NPTN: variants seen among roughly 807,000 people sequenced by gnomAD.
NPTN encodes SDR-1.
NPTN carries 5 observed loss-of-function variants against 42.7 expected under a neutral mutation model. The ratio of observed to expected loss-of-function variants is 0.12; its 90% CI spans 0.06 to 0.25. The LOEUF (loss-of-function observed/expected upper bound fraction) is 0.25, where lower values mean the gene tolerates loss of function less well. Ranked by LOEUF, NPTN falls within the 10% of genes least tolerant of loss-of-function variation. The pLI is 1.00. For missense variants in NPTN, 307 were observed against 525.4 expected (o/e 0.58, Z 4.06); for synonymous variants, 180 against 201.9 (o/e 0.89, Z 0.92).
chr15:73,590,699 C>T (rs886068883), intron 3 of NPTN, among the ~76,000 whole-genome samples: 3 of 151,956 alleles, frequency 2.0e-5, no homozygotes, highest in Non-Finnish European at 4.4e-5. Flanking sequence ...GAGGCAGAGG[C>T]TGCAGTGAGC....
At chr15:73,602,699 G>C (rs1161357433) in intron 1 of NPTN, among the ~76,000 whole-genome samples, 1 of 152,172 alleles carries the variant, frequency 6.6e-6, no homozygotes, top group African/African-American at 2.4e-5. Flanking sequence ...AGGCAGGCTT[G>C]AAGTCCTGGG....
chr15:73,577,710 T>C (rs1189566187), intron 4 of NPTN, among the ~76,000 whole-genome samples: 2 of 152,144 alleles, frequency 1.3e-5, no homozygotes, highest in Non-Finnish European at 2.9e-5. Flanking sequence ...GCTTGAGATA[T>C]TTTGCAGACC....
rs1894734870 is a variant in NPTN, at chr15:73,562,472, CTT to C, written c.1137-504_1137-503del. Among the ~76,000 whole-genome samples the C allele has an allele frequency of 2.0e-5, 3 of 152,164 alleles. No homozygotes were observed. In the South Asian group the frequency reaches 6.2e-4, roughly 31 times the overall value. On this transcript the variant is annotated intron_variant, in intron 7 of 8. Transcript: ENST00000345330. The stretch of plus-strand genomic sequence containing the variant: ...ACGATACAGGTGAGAATATGTAAAA[CTT>C]TTCTCCACTGAACACAACACCACTG...
chr15:73,565,694 T>C, intron 6 of NPTN: 1 of 455,776 alleles, frequency 2.2e-6, no homozygotes, highest in South Asian at 1.6e-5. Flanking sequence ...AGCCACTGGC[T>C]AGATGAGAGG....
rs1364289864 is a variant in NPTN, at chr15:73,591,825, T to C, written c.611+141A>G. ...CTTTTCTAGACTACTGGGCCTTACC[T>C]GAGATACTGGATTGGACTCTCAAAG... On this transcript the variant is annotated intron_variant, in intron 3 of 8. Coordinates refer to ENST00000345330, the MANE Select transcript of NPTN (RefSeq NM_012428.4). 12 of 719,176 alleles carry C rather than the reference T, an allele frequency of 1.7e-5. No homozygotes were observed. In the East Asian group the frequency reaches 3.2e-4, roughly 19 times the overall value. 44.5% of individuals were successfully genotyped at this position (719,176 alleles called of 1,614,324 possible). A position where few individuals can be genotyped will look rare whatever the true frequency, so the allele number is the denominator to read the frequency against.
chr15:73,564,935 C>T (rs528485965), intron 6 of NPTN, among the ~76,000 whole-genome samples: 3 of 152,284 alleles, frequency 2.0e-5, no homozygotes, highest in Middle Eastern at 3.4e-3. Flanking sequence ...GAGGGAGAAT[C>T]GCAATAGCCA....
chr15:73,566,069 C>A (rs961487447), intron 6 of NPTN, among the ~76,000 whole-genome samples: 3 of 152,064 alleles, frequency 2.0e-5, no homozygotes, highest in African/African-American at 7.2e-5. Flanking sequence ...AGCATTAAAC[C>A]CAAGAGAGAC....
At chr15:73,619,857 A>G (rs1187791661) in intron 1 of NPTN, among the ~76,000 whole-genome samples, 2 of 152,234 alleles carry the variant, frequency 1.3e-5, no homozygotes, top group Non-Finnish European at 2.9e-5. Context: ...CTGAATGGGT[A>G]TTAGGGCAAA....
chr15:73,600,037 T>C (rs16958050), intron 1 of NPTN, among the ~76,000 whole-genome samples: 19,756 of 152,180 alleles, frequency 0.13, 1,917 homozygotes, highest in African/African-American at 0.27. Flanking sequence ...CCAATTCCAC[T>C]GTAACCCCAA....
At chr15:73,561,833 G>C in intron 8 of NPTN, 63 bp downstream of exon 8, 4 of 1,193,780 alleles carry the variant, frequency 3.4e-6, no homozygotes, top group Non-Finnish European at 4.9e-6. Context: ...TTTGTAACAA[G>C]GTCAATAGAG....
intron 1 of NPTN, among the ~76,000 whole-genome samples, chr15:73,607,596 A>T (rs1054699886): frequency 6.6e-6 from 1 of 152,212 alleles, no homozygotes; most frequent in Non-Finnish European, 1.5e-5. Context: ...AACTCTGACC[A>T]GAGGGAAATT....
At chr15:73,577,328 C>T (rs1035808457) in intron 4 of NPTN, among the ~76,000 whole-genome samples, 1 of 152,134 alleles carries the variant, frequency 6.6e-6, no homozygotes, top group East Asian at 1.9e-4. Flanking sequence ...TGATCTACGG[C>T]CTTTTGCCAT....
chr15:73,617,739 G>A (rs1034393403), intron 1 of NPTN, among the ~76,000 whole-genome samples: 1 of 152,072 alleles, frequency 6.6e-6, no homozygotes, highest in Admixed American at 6.6e-5. Context: ...ACTCCCATTC[G>A]GCTTTACAAA....
At chr15:73,564,439 A>G (rs1041801557) in intron 6 of NPTN, among the ~76,000 whole-genome samples, 23 of 152,192 alleles carry the variant, frequency 1.5e-4, no homozygotes, top group African/African-American at 5.6e-4. Flanking sequence ...GGAGAGGCAA[A>G]GCCACCGCCA....
intron 4 of NPTN, among the ~76,000 whole-genome samples, chr15:73,580,444 ATATATG>A (rs1463567740): frequency 1.5e-5 from 2 of 135,532 alleles, no homozygotes; most frequent in African/African-American, 2.8e-5. Context: ...TATATATAAT[ATATATG>A]TATATATACA....
At chr15:73,602,842 TG>T (rs1897134502) in intron 1 of NPTN, among the ~76,000 whole-genome samples, 1 of 152,200 alleles carries the variant, frequency 6.6e-6, no homozygotes, top group South Asian at 2.1e-4. Context: ...ACAGGTACCT[TG>T]ATCAGGCAGA....
chr15:73,577,349 T>C (rs1167518192), intron 4 of NPTN, among the ~76,000 whole-genome samples: 1 of 152,208 alleles, frequency 6.6e-6, no homozygotes, highest in Non-Finnish European at 1.5e-5. Flanking sequence ...CTTCAGAGCC[T>C]ACACCTTAAG....
At chr15:73,606,373 A>T (rs569144129) in intron 1 of NPTN, among the ~76,000 whole-genome samples, 59 of 152,320 alleles carry the variant, frequency 3.9e-4, no homozygotes, top group Admixed American at 1.2e-3. Context: ...AATTTTAGGT[A>T]ATTCACTTCC....
intron 4 of NPTN, among the ~76,000 whole-genome samples, chr15:73,577,165 A>G (rs1895743415): frequency 6.6e-6 from 1 of 152,294 alleles, no homozygotes; most frequent in Non-Finnish European, 1.5e-5. Context: ...AAAACTATAG[A>G]TGAGAGTAGT....
Sources: gnomAD v4.1 joint callset for allele counts (sites outside exome capture counted in the v4.1 genomes callset) on GRCh38, gnomAD v4.1.1 for gene constraint, MANE v1.5 for transcripts, NCBI Gene and HGNC (gene_info 2026-07-23, HGNC 2026-07-21) for gene names.